Variants in PKN2 observed in about 807,000 individuals in gnomAD.
PKN2 encodes the protein protein kinase N2, also known as serine/threonine-protein kinase N2.
In PKN2, 38 loss-of-function variants were observed where a neutral mutation model predicts 119.1. That is an observed-to-expected ratio of 0.32 (90% CI 0.25 to 0.42). The LOEUF is 0.42. PKN2 is among the 10% of genes least tolerant of loss of function. The pLI is 1.00. For synonymous variants in PKN2, 390 were observed against 384.9 expected (o/e 1.01, Z -0.15); for missense variants, 850 against 1,165.1 (o/e 0.73, Z 3.94).
chr1:88,820,681 T>C (rs1221852322), intron 16 of PKN2, among the ~76,000 whole-genome samples: 1 of 152,210 alleles, frequency 6.6e-6, no homozygotes, highest in Non-Finnish European at 1.5e-5. Flanking sequence ...CAAGAATTGT[T>C]ATCTGTATGA....
chr1:88,833,873 C>T lies in PKN2; in HGVS notation c.*425C>T, dbSNP rs964421980. 1.3e-5 allele frequency: 2 copies of T among 154,996 alleles called. No individual in the cohort carries two copies. The highest frequency in any genetic ancestry group is 4.8e-5 in the African/African-American group (2 of 41,342). 9.6% of individuals were successfully genotyped at this position (154,996 alleles called of 1,614,324 possible). On this transcript the variant is annotated 3_prime_UTR_variant, in exon 22 of 22. Coordinates refer to ENST00000370521, the MANE Select transcript of PKN2 (RefSeq NM_006256.4). ...GGGCTTGGAATGCTATTACTGTTCA[C>T]ACAAAGTATGATTCTGTTTGAATAA...
intron 2 of PKN2, among the ~76,000 whole-genome samples, chr1:88,754,454 C>T (rs538632382): frequency 5.7e-4 from 87 of 152,142 alleles, no homozygotes; most frequent in Admixed American, 2.1e-3. Context: ...AGTGGAGGGA[C>T]GAAAGTATAC....
At chr1:88,717,802 G>A (rs576370943) in intron 1 of PKN2, among the ~76,000 whole-genome samples, 2 of 152,004 alleles carry the variant, frequency 1.3e-5, no homozygotes, top group East Asian at 1.9e-4. Context: ...CTGTCAACTC[G>A]TCAAAGTCAT....
chr1:88,754,115 A>AT (rs1269636622), intron 2 of PKN2, among the ~76,000 whole-genome samples: 1 of 152,018 alleles, frequency 6.6e-6, no homozygotes, highest in Non-Finnish European at 1.5e-5. Flanking sequence ...GGTATCTTGA[A>AT]TCTATGGATT....
At chr1:88,766,688 A>G (rs932268172) in intron 3 of PKN2, among the ~76,000 whole-genome samples, 6 of 152,208 alleles carry the variant, frequency 3.9e-5, no homozygotes, top group African/African-American at 1.4e-4. Flanking sequence ...TTGTATTAAC[A>G]TAAAAGTCAG....
intron 18 of PKN2, among the ~76,000 whole-genome samples, chr1:88,827,473 T>C (rs901346332): frequency 6.6e-6 from 1 of 151,896 alleles, no homozygotes; most frequent in Non-Finnish European, 1.5e-5. Context: ...TTTAATAATT[T>C]TGTGCATGAA....
intron 8 of PKN2, among the ~76,000 whole-genome samples, chr1:88,800,262 GT>G (rs1671251312): frequency 1.3e-5 from 2 of 152,136 alleles, no homozygotes; most frequent in South Asian, 4.1e-4. Context: ...GTGCTTACTA[GT>G]TAGTATTTTA....
At chr1:88,719,425 C>T (rs537193593) in intron 1 of PKN2, among the ~76,000 whole-genome samples, 46 of 152,260 alleles carry the variant, frequency 3.0e-4, no homozygotes, top group African/African-American at 1.1e-3. Flanking sequence ...AAGCCCAAAT[C>T]TGATTCCCTC....
intron 17 of PKN2, among the ~76,000 whole-genome samples, chr1:88,822,831 G>C (rs537797825): frequency 6.6e-6 from 1 of 151,982 alleles, no homozygotes; most frequent in Admixed American, 6.6e-5. Flanking sequence ...TACCCGCCTC[G>C]GCCTCCCAAA....
chr1:88,721,210 G>A (rs563579290), intron 1 of PKN2, among the ~76,000 whole-genome samples: 41 of 152,104 alleles, frequency 2.7e-4, no homozygotes, highest in Admixed American at 1.0e-3. Context: ...ACTGTTTTCC[G>A]TAGTGGTTGT....
chr1:88,710,739 G>A (rs948153680), intron 1 of PKN2, among the ~76,000 whole-genome samples: 2 of 152,114 alleles, frequency 1.3e-5, no homozygotes, highest in African/African-American at 4.8e-5. Flanking sequence ...AAGACGGTGT[G>A]GCAATTCTTC....
At chr1:88,719,444 T>C (rs1435972952) in intron 1 of PKN2, among the ~76,000 whole-genome samples, 1 of 152,216 alleles carries the variant, frequency 6.6e-6, no homozygotes, top group Non-Finnish European at 1.5e-5. Flanking sequence ...TCCCTTGTTC[T>C]GTCTCTTCCT....
intron 2 of PKN2, among the ~76,000 whole-genome samples, chr1:88,749,376 G>T (rs1570573732): frequency 7.0e-6 from 1 of 142,606 alleles, no homozygotes; most frequent in Non-Finnish European, 1.5e-5. Flanking sequence ...TTGCACTCCA[G>T]CCCGGCGACA....
chr1:88,823,389 A>C (rs1672371170), intron 17 of PKN2, among the ~76,000 whole-genome samples: 1 of 152,072 alleles, frequency 6.6e-6, no homozygotes, highest in Non-Finnish European at 1.5e-5. Flanking sequence ...TATGGATGGT[A>C]TATAAGCAAA....
chr1:88,737,472 C>G (rs1668399688), intron 1 of PKN2, among the ~76,000 whole-genome samples: 6 of 152,128 alleles, frequency 3.9e-5, no homozygotes, highest in Admixed American at 3.3e-4. Flanking sequence ...GAGGCACTCT[C>G]CAAGCTGTGC....
At chr1:88,822,061 A>T (rs997128002) in intron 17 of PKN2, 58 bp downstream of exon 17, 3 of 1,356,282 alleles carry the variant, frequency 2.2e-6, no homozygotes, top group Middle Eastern at 2.3e-4. Flanking sequence ...AGAATTAAAG[A>T]TAGTATTTTG....
At chr1:88,687,837 G>GTA (rs1666164791) in intron 1 of PKN2, among the ~76,000 whole-genome samples, 1 of 152,172 alleles carries the variant, frequency 6.6e-6, no homozygotes, top group African/African-American at 2.4e-5. Context: ...CCAGAAGAGA[G>GTA]TATAGATAAT....
intron 6 of PKN2, among the ~76,000 whole-genome samples, chr1:88,781,362 T>C (rs1670335567): frequency 6.6e-6 from 1 of 150,716 alleles, no homozygotes; most frequent in Non-Finnish European, 1.5e-5. Context: ...AGAGGATATT[T>C]CTGCAGAATT....
chr1:88,771,382 A>G (rs761198129), intron 4 of PKN2, 39 bp from the exon 5 acceptor site: 2 of 1,524,530 alleles, frequency 1.3e-6, no homozygotes, highest in Non-Finnish European at 1.8e-6. Flanking sequence ...TTGGAAAGTC[A>G]GATAAATGGT....
Sources: gnomAD v4.1 joint callset for allele counts (sites outside exome capture counted in the v4.1 genomes callset) on GRCh38, gnomAD v4.1.1 for gene constraint, MANE v1.5 for transcripts, NCBI Gene and HGNC (gene_info 2026-07-23, HGNC 2026-07-21) for gene names.